The following PTPN12 variants were observed in gnomAD, a reference collection of about 807,000 sequenced individuals.
PTPN12 encodes the protein protein tyrosine phosphatase non-receptor type 12, also known as tyrosine-protein phosphatase non-receptor type 12.
In PTPN12, 29 loss-of-function variants were observed where a neutral mutation model predicts 97.6. The ratio of observed to expected loss-of-function variants is 0.30; its 90% CI spans 0.22 to 0.41. The LOEUF (loss-of-function observed/expected upper bound fraction) is 0.41. Among genes scored for constraint, PTPN12 ranks in the 10% least tolerant of loss-of-function variants. The pLI is 1.00. For missense variants in PTPN12, 819 were observed against 926.0 expected, an observed-to-expected ratio of 0.88 and a Z score of 1.50; for synonymous variants, 327 against 300.4, an observed-to-expected ratio of 1.09 and a Z score of -0.91.
At chr7:77,537,819 C>T (rs1035806399) in intron 1 of PTPN12, among the ~76,000 whole-genome samples, 174 bp downstream of exon 1, 1 of 151,942 alleles carries the variant, frequency 6.6e-6, no homozygotes, top group Non-Finnish European at 1.5e-5. Context: ...GAGAGCGCCT[C>T]CCCCCGTGGC....
intron 4 of PTPN12, among the ~76,000 whole-genome samples, chr7:77,584,406 G>T (rs1176257010): frequency 1.3e-5 from 2 of 152,182 alleles, no homozygotes; most frequent in African/African-American, 4.8e-5. Context: ...CTTGGGGATT[G>T]AGAAAGAGCA....
intron 11 of PTPN12, among the ~76,000 whole-genome samples, chr7:77,618,203 CTG>C (rs1352213444): frequency 1.3e-5 from 2 of 152,016 alleles, no homozygotes; most frequent in East Asian, 1.9e-4. Flanking sequence ...CTTGGGGAAT[CTG>C]TTTTTTTACG....
intron 8 of PTPN12, among the ~76,000 whole-genome samples, chr7:77,605,334 A>C (rs1296245002): frequency 6.7e-6 from 1 of 149,282 alleles, no homozygotes; most frequent in Non-Finnish European, 1.5e-5. Flanking sequence ...AATTACTCAT[A>C]GTGATTTTCA....
intron 1 of PTPN12, among the ~76,000 whole-genome samples, chr7:77,558,267 T>G (rs1194056513): frequency 6.7e-6 from 1 of 150,304 alleles, no homozygotes; most frequent in East Asian, 2.0e-4. Flanking sequence ...GGTAAGGATA[T>G]AGAAAACTAG....
At chr7:77,563,885 C>A (rs746165327) in intron 1 of PTPN12, 7 of 394,478 alleles carry the variant, frequency 1.8e-5, no homozygotes, top group Admixed American at 3.1e-5. Context: ...GTTATTTTAG[C>A]TGCTTATAAC....
At chr7:77,602,411 G>A (rs1392681264) in intron 8 of PTPN12, among the ~76,000 whole-genome samples, 1 of 151,990 alleles carries the variant, frequency 6.6e-6, no homozygotes, top group African/African-American at 2.4e-5. Context: ...GAGTGTAATG[G>A]AAAATACCCC....
At chr7:77,581,351 A>G (rs886578846) in intron 2 of PTPN12, 76 bp from the exon 3 acceptor site, 34 of 940,098 alleles carry the variant, frequency 3.6e-5, no homozygotes, top group East Asian at 1.3e-4. Flanking sequence ...TAAGCTGTCT[A>G]TTTAACCTTA....
intron 11 of PTPN12, among the ~76,000 whole-genome samples, chr7:77,617,068 C>G (rs776615480): frequency 9.2e-5 from 14 of 152,152 alleles, no homozygotes; most frequent in Non-Finnish European, 2.1e-4. Context: ...CAGGTGTGAG[C>G]CACTGCGCCC....
At chr7:77,555,774 G>T (rs1156354639) in intron 1 of PTPN12, among the ~76,000 whole-genome samples, 1 of 151,926 alleles carries the variant, frequency 6.6e-6, no homozygotes, top group Non-Finnish European at 1.5e-5. Flanking sequence ...AATTAGCTGG[G>T]CGTGGTGGTG....
Position 77,639,262 on chromosome 7 carries a change from A to G in PTPN12, c.2325A>G (p.Pro775=). The G allele has an allele frequency of 6.2e-7, 1 of 1,612,862 alleles. No individual in the cohort carries two copies. The highest frequency in any genetic ancestry group is 1.1e-5 in the South Asian group (1 of 90,952). ...RCGKPKGPRD[P]PSEWT is the part of the protein sequence containing the mutation. The stretch of plus-strand genomic sequence containing the variant: ...GAAAACCCAAAGGACCAAGAGATCC[A>G]CCTTCAGAATGGACATGATTCAGGG... The change falls in exon 18 of 18, where the codon CCA becomes CCG. Residue 775 remains proline, a synonymous_variant. Coordinates refer to ENST00000248594, the MANE Select transcript of PTPN12 (RefSeq NM_002835.4).
chr7:77,546,038 TCTG>T (rs1807206740), intron 1 of PTPN12, among the ~76,000 whole-genome samples: 2 of 152,330 alleles, frequency 1.3e-5, no homozygotes, highest in African/African-American at 4.8e-5. Flanking sequence ...TTCAAGCAAT[TCTG>T]CTGCCTCGGT....
At chr7:77,566,326 G>A (rs1414622098) in intron 1 of PTPN12, among the ~76,000 whole-genome samples, 1 of 152,210 alleles carries the variant, frequency 6.6e-6, no homozygotes, top group Admixed American at 6.5e-5. Flanking sequence ...AGACACATAG[G>A]AGAGTTTTTA....
Position 77,638,715 on chromosome 7 carries a change from A to T in PTPN12, c.2265A>T (p.Thr755=). Residue 755 remains threonine, a synonymous_variant, in exon 17 of 18, where the codon ACA becomes ACT. Coordinates refer to ENST00000248594, the MANE Select transcript of PTPN12 (RefSeq NM_002835.4). Reference sequence around the variant, plus strand: ...GAGAACAAATATCAGAAAATCCAACAGAAGCCACAGATATTGGTAATTTGT... The same window carrying T: ...GAGAACAAATATCAGAAAATCCAACTGAAGCCACAGATATTGGTAATTTGT... The part of the protein sequence containing the change: ...DKREQISENP[T]EATDIGFGNR... 6.2e-7 allele frequency: 1 copy of T among 1,604,108 alleles called. No individual in the cohort carries two copies. The highest frequency in any genetic ancestry group is 8.5e-7 in the Non-Finnish European group (1 of 1,176,920).
intron 9 of PTPN12, among the ~76,000 whole-genome samples, chr7:77,609,169 G>A (rs1022136886): frequency 6.6e-6 from 1 of 151,984 alleles, no homozygotes; most frequent in Non-Finnish European, 1.5e-5. Flanking sequence ...GCAGTGAGCC[G>A]AGATTGTGCC....
intron 6 of PTPN12, among the ~76,000 whole-genome samples, chr7:77,592,965 T>A (rs370454726): frequency 6.6e-6 from 1 of 152,138 alleles, no homozygotes; most frequent in Admixed American, 6.6e-5. Flanking sequence ...TAATTGAACA[T>A]AACCTAAAAA....
chr7:77,609,836 A>T (rs1369166003), intron 9 of PTPN12, among the ~76,000 whole-genome samples: 2 of 151,176 alleles, frequency 1.3e-5, no homozygotes, highest in East Asian at 3.9e-4. Context: ...AGCGGATATC[A>T]CGCCACCGTA....
intron 1 of PTPN12, among the ~76,000 whole-genome samples, chr7:77,543,128 GGACC>G (rs2151294608): frequency 6.6e-6 from 1 of 152,330 alleles, no homozygotes; most frequent in East Asian, 1.9e-4. Context: ...AATGCTGGGA[GGACC>G]GGTAAGGTGA....
At position 77,620,805 on chromosome 7, in the gene PTPN12, A is replaced by C. The variant is rs1788906779; in HGVS notation, c.1025+2240A>C. Reference sequence around the variant, plus strand: ...TCTACTAAAAATAGAAAAATTAGCCAGGCGTGGTGGCACGCGCCTGCAGTT... The same window carrying C: ...TCTACTAAAAATAGAAAAATTAGCCCGGCGTGGTGGCACGCGCCTGCAGTT... On this transcript the variant is annotated intron_variant, in intron 12 of 17. Transcript: ENST00000248594. 3.9e-5 allele frequency among the ~76,000 whole-genome samples: 6 copies of C among 152,120 alleles called. No homozygotes were observed. The South Asian group carries it at 1.2e-3, about 32-fold the overall frequency.
In PTPN12 at chr7:77,571,156, A is replaced by G; in HGVS notation, c.178A>G (p.Lys60Glu). The stretch of plus-strand genomic sequence containing the variant: ...CACTGGAGAAAAAGAAGAAAATGTT[A>G]AAAAGAACAGATACAAGGACATACT... ...TATGEKEENVKKNRYKDILPF... is the reference protein window; with the variant it reads ...TATGEKEENVEKNRYKDILPF... The change falls in exon 2 of 18, where the codon AAA becomes GAA. Residue 60 changes from lysine to glutamate, a missense_variant. By Grantham distance (56) the Lys-to-Glu change is moderately conservative (BLOSUM62 1). Around this residue, in one of 5 missense-constraint regions of PTPN12, gnomAD observed 66 missense variants for 133.6 expected, o/e 0.49. Transcript: ENST00000248594. 1 of 1,602,728 alleles carries G rather than the reference A, an allele frequency of 6.2e-7. No homozygotes were observed. Among genetic ancestry groups the G allele is most frequent in the Non-Finnish European group, 8.5e-7 (1 of 1,173,246 alleles).
Sources: allele counts gnomAD v4.1 joint callset (sites outside exome capture counted in the v4.1 genomes callset), GRCh38; gene constraint gnomAD v4.1.1; regional missense constraint gnomAD v4.1.1; transcripts MANE v1.5; gene names NCBI Gene and HGNC (gene_info 2026-07-23, HGNC 2026-07-21).